The following CALN1 variants were observed in gnomAD, a reference collection of about 807,000 sequenced individuals.
The protein encoded by CALN1 is calcium-binding protein 8.
In CALN1, 17 loss-of-function variants were observed where a neutral mutation model predicts 30.6. That is an observed-to-expected ratio of 0.56 (90% CI 0.38 to 0.83). The LOEUF (loss-of-function observed/expected upper bound fraction) is 0.83, where lower values mean the gene tolerates loss of function less well. CALN1 is among the 40% of genes least tolerant of loss of function. CALN1 has a pLI of 0.00. For missense variants in CALN1, 291 were observed against 354.9 expected (o/e 0.82, Z 1.45); for synonymous variants, 156 against 131.4 (o/e 1.19, Z -1.28).
At chr7:71,865,386 A>G (rs1048833685) in intron 5 of CALN1, among the ~76,000 whole-genome samples, 1 of 152,244 alleles carries the variant, frequency 6.6e-6, no homozygotes, top group African/African-American at 2.4e-5. Context: ...GCCTTCCGCC[A>G]TGACTGTACG....
rs1017554098 is a variant in CALN1, at chr7:72,246,864, C to T, written c.244+31822G>A. On this transcript the variant is annotated intron_variant, in intron 3 of 6. Coordinates refer to ENST00000395275, the MANE Select transcript of CALN1 (RefSeq NM_031468.4). ...CCGCCTCCCAGGTTCAAGCAGTTCT[C>T]ATGCCTCAGCCTCCCAAGTCGCTGG... Among the ~76,000 whole-genome samples, 3 of 150,740 alleles carry T rather than the reference C, an allele frequency of 2.0e-5. No homozygotes were observed. In the Admixed American group the frequency reaches 2.0e-4, roughly 10 times the overall value.
intron 3 of CALN1, among the ~76,000 whole-genome samples, chr7:72,266,420 T>G (rs1796600970): frequency 6.6e-6 from 1 of 152,172 alleles, no homozygotes; most frequent in Non-Finnish European, 1.5e-5. Context: ...CAATAGACAC[T>G]TTAAGGCCAT....
At chr7:72,226,151 A>G (rs1303877602) in intron 3 of CALN1, among the ~76,000 whole-genome samples, 1 of 151,616 alleles carries the variant, frequency 6.6e-6, no homozygotes, top group Admixed American at 6.6e-5. Flanking sequence ...AGGCTGAGGC[A>G]GGAGAATCGC....
At chr7:72,112,720 A>AT (rs1807666593) in intron 3 of CALN1, among the ~76,000 whole-genome samples, 1 of 152,188 alleles carries the variant, frequency 6.6e-6, no homozygotes, top group African/African-American at 2.4e-5. Flanking sequence ...CTGTTTACTT[A>AT]TATGTCAGGG....
chr7:71,911,766 C>T lies in CALN1; in HGVS notation c.502-101274G>A, dbSNP rs535807263. On this transcript the variant is annotated intron_variant, in intron 5 of 6. Coordinates refer to ENST00000395275, the MANE Select transcript of CALN1 (RefSeq NM_031468.4). ...GAATGACTCACTAAATCAGAAGGGC[C>T]TCTCTGTACACATTATTCTTCCTGC... 1.1e-4 allele frequency among the ~76,000 whole-genome samples: 17 copies of T among 152,244 alleles called. No individual in the cohort carries two copies. The East Asian group carries it at 2.3e-3, about 21-fold the overall frequency.
chr7:71,793,150 C>CA (rs1401293388), intron 6 of CALN1, among the ~76,000 whole-genome samples: 1 of 151,916 alleles, frequency 6.6e-6, no homozygotes, highest in East Asian at 1.9e-4. Flanking sequence ...ACTAAAAACA[C>CA]AAAAAATTTG....
At chr7:71,824,444 T>C (rs1193579868) in intron 5 of CALN1, among the ~76,000 whole-genome samples, 1 of 152,096 alleles carries the variant, frequency 6.6e-6, no homozygotes, top group Non-Finnish European at 1.5e-5. Flanking sequence ...CAGGGGTGCC[T>C]GAGTCCCCAG....
chr7:72,150,857 T>C (rs1474162735), intron 3 of CALN1, among the ~76,000 whole-genome samples: 1 of 149,646 alleles, frequency 6.7e-6, no homozygotes, highest in Non-Finnish European at 1.5e-5. Flanking sequence ...GCTCAATAAC[T>C]ATTTGCTGTG....
At chr7:71,989,442 A>T (rs1172192913) in intron 5 of CALN1, among the ~76,000 whole-genome samples, 2 of 91,030 alleles carry the variant, frequency 2.2e-5, no homozygotes, top group Admixed American at 2.6e-4. Flanking sequence ...CCATCTATTA[A>T]AAAAAAAAAA....
intron 2 of CALN1, among the ~76,000 whole-genome samples, chr7:72,381,995 C>T (rs375310863): frequency 1.3e-5 from 2 of 152,254 alleles, no homozygotes; most frequent in East Asian, 3.9e-4. Flanking sequence ...AAGTGGATCA[C>T]AACTTGGCGA....
intron 5 of CALN1, among the ~76,000 whole-genome samples, chr7:71,861,989 A>C (rs1043677227): frequency 4.6e-5 from 7 of 152,160 alleles, no homozygotes; most frequent in Non-Finnish European, 1.0e-4. Flanking sequence ...GCTTCACCTT[A>C]AGGTGCTAGC....
chr7:71,960,927 G>A (rs542778933), intron 5 of CALN1, among the ~76,000 whole-genome samples: 25 of 152,064 alleles, frequency 1.6e-4, no homozygotes, highest in Middle Eastern at 3.4e-3. Context: ...AGCGATTCTC[G>A]TGCCTCAGCC....
At chr7:72,091,107 T>C (rs1433472597) in intron 4 of CALN1, among the ~76,000 whole-genome samples, 2 of 152,142 alleles carry the variant, frequency 1.3e-5, no homozygotes, top group Non-Finnish European at 2.9e-5. Flanking sequence ...GGTGGGCGGA[T>C]CACCTGAGGT....
At chr7:72,502,305 A>C in the CALN1 span, among the ~76,000 whole-genome samples, 1 of 150,280 alleles carries the variant, frequency 6.7e-6, no homozygotes, top group East Asian at 1.9e-4. Flanking sequence ...CAGATTTTTT[A>C]ACTGAATTCT....
chr7:72,160,309 C>T (rs1308427442), intron 3 of CALN1, among the ~76,000 whole-genome samples: 2 of 149,198 alleles, frequency 1.3e-5, no homozygotes, highest in African/African-American at 5.0e-5. Flanking sequence ...AACAGAGTCT[C>T]GTTCTGCCAC....
intron 2 of CALN1, among the ~76,000 whole-genome samples, chr7:72,367,349 T>C (rs1322271689): frequency 6.6e-6 from 1 of 151,880 alleles, no homozygotes; most frequent in Non-Finnish European, 1.5e-5. Flanking sequence ...GCTGGGAGTG[T>C]TGGCATGCAC....
chr7:72,186,240 C>T lies in CALN1; in HGVS notation c.245-79946G>A, dbSNP rs75831298. ...TTCAGAACTAAAAGATAATGAATTC[C>T]TGTTATTTTAAGCCGCTCAAATGGT... On this transcript the variant is annotated intron_variant, in intron 3 of 6. Transcript: ENST00000395275. Among the ~76,000 whole-genome samples the T allele has an allele frequency of 5.6e-3, 858 of 152,180 alleles. 8 individuals carry two copies. Among genetic ancestry groups the T allele is most frequent in the Middle Eastern group, 0.034 (10 of 294 alleles).
intron 5 of CALN1, among the ~76,000 whole-genome samples, chr7:71,951,683 G>A (rs535445001): frequency 7.4e-4 from 112 of 152,304 alleles, no homozygotes; most frequent in Middle Eastern, 3.4e-3. Flanking sequence ...TCAGTGAGGA[G>A]TCTGGTCTGC....
chr7:71,867,948 T>C (rs1029048371), intron 5 of CALN1, among the ~76,000 whole-genome samples: 2 of 152,246 alleles, frequency 1.3e-5, no homozygotes, highest in African/African-American at 4.8e-5. Context: ...ACAGTCCACT[T>C]ATGTTTTTAA....
Sources: gnomAD v4.1 joint callset for allele counts (sites outside exome capture counted in the v4.1 genomes callset) on GRCh38, gnomAD v4.1.1 for gene constraint, MANE v1.5 for transcripts, NCBI Gene and HGNC (gene_info 2026-07-23, HGNC 2026-07-21) for gene names.